NPLOC4: variants seen among roughly 807,000 people sequenced by gnomAD.
The protein encoded by NPLOC4 is NPL4 homolog, ubiquitin recognition factor.
A neutral mutation model predicts 80.6 loss-of-function variants in NPLOC4; 18 were observed. That is an observed-to-expected ratio of 0.22 (90% CI 0.15 to 0.33). The LOEUF (loss-of-function observed/expected upper bound fraction) is 0.33. Among genes scored for constraint, NPLOC4 ranks in the 10% least tolerant of loss-of-function variants. The pLI is 1.00. For missense variants in NPLOC4, 540 were observed against 786.1 expected (o/e 0.69, Z 3.74); for synonymous variants, 313 against 301.5 (o/e 1.04, Z -0.39).
At chr17:81,621,064 G>A (rs994294611) in intron 3 of NPLOC4, among the ~76,000 whole-genome samples, 8 of 150,620 alleles carry the variant, frequency 5.3e-5, no homozygotes, top group African/African-American at 2.0e-4. Context: ...AGGAAGGAAG[G>A]AAGGAAGTAT....
intron 11 of NPLOC4, among the ~76,000 whole-genome samples, chr17:81,591,237 C>A (rs925925469): frequency 1.3e-5 from 2 of 151,940 alleles, no homozygotes; most frequent in African/African-American, 4.8e-5. Context: ...GAGTTCAAGA[C>A]CAGCCTGGAA....
At chr17:81,592,799 C>A (rs2034784830) in intron 11 of NPLOC4, among the ~76,000 whole-genome samples, 1 of 152,166 alleles carries the variant, frequency 6.6e-6, no homozygotes, top group Non-Finnish European at 1.5e-5. Context: ...GCCTGGCCAA[C>A]ATGGTGAAAC....
intron 1 of NPLOC4, among the ~76,000 whole-genome samples, chr17:81,634,324 T>C (rs1352410192): frequency 2.0e-5 from 3 of 151,944 alleles, no homozygotes; most frequent in Non-Finnish European, 4.4e-5. Flanking sequence ...AAAGATCTCT[T>C]TCTTAAATTC....
In NPLOC4 at chr17:81,577,607, T is replaced by C. The variant is rs2034336084; in HGVS notation, c.1282-5519A>G. ...CACAGATAGTCTGAAAAGGGAACTATTGGCCTGTATCTCTTGCCTGAGCTT... is the reference window on the plus strand; with the variant it reads ...CACAGATAGTCTGAAAAGGGAACTACTGGCCTGTATCTCTTGCCTGAGCTT... On this transcript the variant is annotated intron_variant, in intron 12 of 16. Transcript: ENST00000331134. This position sits in a 1 kb window ranked among gnomAD's most constrained non-coding sequence, Gnocchi z 4.3. 6.6e-6 allele frequency among the ~76,000 whole-genome samples: 1 copy of C among 152,198 alleles called. No individual in the cohort carries two copies. The highest frequency in any genetic ancestry group is 2.4e-5 in the African/African-American group (1 of 41,440).
intron 11 of NPLOC4, among the ~76,000 whole-genome samples, chr17:81,592,360 C>T (rs1253374607): frequency 1.3e-5 from 2 of 152,158 alleles, no homozygotes; most frequent in African/African-American, 2.4e-5. Context: ...ATTAAAAGCA[C>T]GCATGAGGAT....
chr17:81,574,727 G>A (rs1172058586), intron 12 of NPLOC4, among the ~76,000 whole-genome samples: 2 of 152,146 alleles, frequency 1.3e-5, no homozygotes, highest in Non-Finnish European at 2.9e-5. Context: ...AAAGCAATGG[G>A]GATGCCCAGG....
At position 81,580,617 on chromosome 17, in the gene NPLOC4, G is replaced by A. The variant is rs1183765491; in HGVS notation, c.1281+8327C>T. Among the ~76,000 whole-genome samples, 2 of 152,070 alleles carry A rather than the reference G, an allele frequency of 1.3e-5. No homozygotes were observed. Among genetic ancestry groups the A allele is most frequent in the Non-Finnish European group, 2.9e-5 (2 of 68,010 alleles). ...CTCCAGACACCCCCAGAGCTGCTCT[G>A]CCAATTGACACCTTCTCTCCCCTCT... On this transcript the variant is annotated intron_variant, in intron 12 of 16. Coordinates refer to ENST00000331134, the MANE Select transcript of NPLOC4 (RefSeq NM_017921.4). The surrounding 1 kb of genome is among the most constrained non-coding windows in gnomAD (Gnocchi z 4.4).
intron 16 of NPLOC4, 158 bp downstream of exon 16, chr17:81,565,347 G>A: frequency 1.4e-6 from 1 of 727,606 alleles, no homozygotes; most frequent in Non-Finnish European, 2.5e-6. Flanking sequence ...GTGCCTGGCA[G>A]GGAGGCCGAG....
At chr17:81,627,751 A>C (rs578174052) in intron 2 of NPLOC4, among the ~76,000 whole-genome samples, 1 of 151,212 alleles carries the variant, frequency 6.6e-6, no homozygotes, top group Non-Finnish European at 1.5e-5. Flanking sequence ...CTGGGCAACA[A>C]GAGCGAAACT....
rs2034181655 is a variant in NPLOC4 at position 81,572,245 on chromosome 17, G to A, written c.1282-157C>T. ...GTGCTGTCGCCCAGGCTGGAATGCA[G>A]TGGCGTGATCTCCACTCACTGCAAG... is the stretch of plus-strand genomic sequence containing the variant. On this transcript the variant is annotated intron_variant, in intron 12 of 16. Coordinates refer to ENST00000331134, the MANE Select transcript of NPLOC4 (RefSeq NM_017921.4). This position sits in a 1 kb window ranked among gnomAD's most constrained non-coding sequence, Gnocchi z 4.5. 6.7e-6 allele frequency: 2 copies of A among 298,374 alleles called. No individual in the cohort carries two copies. Among genetic ancestry groups the A allele is most frequent in the South Asian group, 1.3e-4 (1 of 7,862 alleles). 18.5% of individuals were successfully genotyped at this position (298,374 alleles called of 1,614,324 possible). A position where few individuals can be genotyped will look rare whatever the true frequency, so the allele number is the denominator to read the frequency against.
chr17:81,592,087 G>C (rs940846912), intron 11 of NPLOC4, among the ~76,000 whole-genome samples: 2 of 152,194 alleles, frequency 1.3e-5, no homozygotes, highest in Non-Finnish European at 2.9e-5. Context: ...GGGGAAAGGG[G>C]AGGAAGGACA....
intron 1 of NPLOC4, 24 bp downstream of exon 1, chr17:81,636,892 C>G: frequency 1.4e-6 from 2 of 1,409,478 alleles, no homozygotes. Context: ...GGCGTCCCCG[C>G]TCCCGCCCGG....
chr17:81,600,251 A>G, intron 9 of NPLOC4, 90 bp downstream of exon 9: 1 of 874,584 alleles, frequency 1.1e-6, no homozygotes, highest in Non-Finnish European at 1.9e-6. Context: ...AGTACCCGAC[A>G]CAGCCCGGCC....
chr17:81,571,910 G>A, intron 13 of NPLOC4, 107 bp downstream of exon 13: 1 of 677,114 alleles, frequency 1.5e-6, no homozygotes, highest in Non-Finnish European at 2.4e-6. Flanking sequence ...AAGGCAGAGG[G>A]TGCCTTAAAT....
rs546604007 is a variant in NPLOC4, at chr17:81,610,161, C to T, written c.435+49G>A. 63 of 1,523,216 alleles carry T rather than the reference C, an allele frequency of 4.1e-5. No individual in the cohort carries two copies. In the South Asian group the frequency reaches 6.8e-4, roughly 16 times the overall value. 94.4% of individuals were successfully genotyped at this position (1,523,216 alleles called of 1,614,324 possible). A position where few individuals can be genotyped will look rare whatever the true frequency, so the allele number is the denominator to read the frequency against. ...GGCAAGCACTTAAGACAGCTGTCTA[C>T]CCGCAGCCCCCCACACTGGCCCAGA... On this transcript the variant is annotated intron_variant, in intron 5 of 16. Coordinates refer to ENST00000331134, the MANE Select transcript of NPLOC4 (RefSeq NM_017921.4).
At chr17:81,600,516 C>T in intron 8 of NPLOC4, 89 bp from the exon 9 acceptor site, 6 of 975,092 alleles carry the variant, frequency 6.2e-6, no homozygotes, top group Middle Eastern at 4.1e-4. Context: ...CTCTAGGTCA[C>T]AAGGAGTGCT....
In NPLOC4 at chr17:81,558,561, C is replaced by T. The variant is rs2033726967; in HGVS notation, c.*698G>A. The T allele has an allele frequency of 6.6e-6, 1 of 152,160 alleles. No individual in the cohort carries two copies. The highest frequency in any genetic ancestry group is 2.4e-5 in the African/African-American group (1 of 41,432). The allele number at this position is 152,160 out of a possible 1,614,324, so 9.4% of individuals were successfully genotyped here. Reference sequence around the variant, plus strand: ...GATGTGGAAACTAGTCTCTCTCACTCCCCTTTTGTGCAGTTTTTATCTTAA... The same window carrying T: ...GATGTGGAAACTAGTCTCTCTCACTTCCCTTTTGTGCAGTTTTTATCTTAA... On this transcript the variant is annotated 3_prime_UTR_variant, in exon 17 of 17. Transcript: ENST00000331134.
At chr17:81,573,250 C>T (rs1465061994) in intron 12 of NPLOC4, among the ~76,000 whole-genome samples, 2 of 152,110 alleles carry the variant, frequency 1.3e-5, no homozygotes, top group Admixed American at 1.3e-4. Flanking sequence ...TAAAAGTTTA[C>T]GTTTATTGGA....
At chr17:81,627,843 G>T (rs1244020909) in intron 2 of NPLOC4, among the ~76,000 whole-genome samples, 1 of 152,102 alleles carries the variant, frequency 6.6e-6, no homozygotes, top group Non-Finnish European at 1.5e-5. Context: ...GGCTGAGGCA[G>T]GAGAACTGCT....
Sources: allele counts gnomAD v4.1 joint callset (sites outside exome capture counted in the v4.1 genomes callset), GRCh38; gene constraint gnomAD v4.1.1; non-coding constraint Gnocchi (gnomAD v3.1); transcripts MANE v1.5; gene names NCBI Gene and HGNC (gene_info 2026-07-23, HGNC 2026-07-21).